Variants in CFAP251 observed in about 807,000 individuals in gnomAD.
CFAP251 encodes cilia and flagella associated protein 251.
Under a neutral mutation model 126.7 loss-of-function variants are expected in CFAP251, and 93 were observed. The ratio of observed to expected loss-of-function variants is 0.73; its 90% CI spans 0.62 to 0.87. CFAP251 has a LOEUF of 0.87. Among genes scored for constraint, CFAP251 ranks in the 40% least tolerant of loss-of-function variants. The pLI, the probability that CFAP251 is intolerant of heterozygous loss-of-function variation, is 0.00. For synonymous variants in CFAP251, 503 were observed against 506.9 expected (o/e 0.99, Z 0.10); for missense variants, 1,287 against 1,389.2 (o/e 0.93, Z 1.17).
chr12:122,000,164 G>T (rs1358125833), intron 20 of CFAP251, among the ~76,000 whole-genome samples: 1 of 152,190 alleles, frequency 6.6e-6, no homozygotes, highest in Admixed American at 6.5e-5. Flanking sequence ...TGTGATTCGT[G>T]TTGCAACTAC....
intron 10 of CFAP251, chr12:121,955,599 A>G (rs897223401): frequency 6.6e-6 from 1 of 152,136 alleles, no homozygotes; most frequent in African/African-American, 2.4e-5. Context: ...GTGTGGAGAA[A>G]ATTGCCTAGT....
intron 19 of CFAP251, among the ~76,000 whole-genome samples, chr12:121,982,168 A>G (rs1266441863): frequency 1.3e-5 from 2 of 151,692 alleles, no homozygotes; most frequent in South Asian, 2.1e-4. Flanking sequence ...ATAAATGTCC[A>G]AACGCCATCA....
At position 121,918,761 on chromosome 12, in the gene CFAP251, C is replaced by G. The variant is rs1321295625; in HGVS notation, c.-21+66C>G. 1 of 152,490 alleles carries G rather than the reference C, an allele frequency of 6.6e-6. No individual in the cohort carries two copies. Among genetic ancestry groups the G allele is most frequent in the Non-Finnish European group, 1.5e-5 (1 of 68,298 alleles). The allele number at this position is 152,490 out of a possible 1,614,324, so 9.4% of individuals were successfully genotyped here. Reference sequence around the variant, plus strand: ...CCTGGCGAGGGGGCCCCCGACCTGGCGGGGTCTGGTGCCCCTTGGGGGGCG... The same window carrying G: ...CCTGGCGAGGGGGCCCCCGACCTGGGGGGGTCTGGTGCCCCTTGGGGGGCG... On this transcript the variant is annotated intron_variant, in intron 1 of 21. Transcript: ENST00000288912. This position sits in a 1 kb window ranked among gnomAD's most constrained non-coding sequence, Gnocchi z 4.3.
At chr12:121,993,616 G>A (rs1256860915) in intron 19 of CFAP251, among the ~76,000 whole-genome samples, 1 of 137,220 alleles carries the variant, frequency 7.3e-6, no homozygotes, top group African/African-American at 2.8e-5. Context: ...CCTCTGCCCC[G>A]CCGCCCCATC....
At chr12:121,977,689 C>T (rs1412903393) in intron 19 of CFAP251, among the ~76,000 whole-genome samples, 1 of 149,398 alleles carries the variant, frequency 6.7e-6, no homozygotes, top group Non-Finnish European at 1.5e-5. Flanking sequence ...GGTGTGGTGG[C>T]TCAGACCTGT....
chr12:121,971,733 G>A (rs1882333217), intron 17 of CFAP251: 1 of 650,488 alleles, frequency 1.5e-6, no homozygotes, highest in Admixed American at 2.4e-5. Context: ...GGAAAATAAA[G>A]GACTTTTGTC....
intron 19 of CFAP251, among the ~76,000 whole-genome samples, chr12:121,988,316 A>G (rs1180339239): frequency 6.6e-6 from 1 of 152,136 alleles, no homozygotes; most frequent in East Asian, 1.9e-4. Flanking sequence ...CGAGTAGTGC[A>G]GACATCACCA....
intron 19 of CFAP251, among the ~76,000 whole-genome samples, chr12:121,983,812 G>A (rs1882684452): frequency 6.6e-6 from 1 of 152,120 alleles, no homozygotes; most frequent in South Asian, 2.1e-4. Flanking sequence ...TCAGTGAGCA[G>A]ACTTGATTAG....
chr12:121,919,527 T>A lies in CFAP251; in HGVS notation c.-21+832T>A, dbSNP rs145686519. 2.8e-3 allele frequency among the ~76,000 whole-genome samples: 430 copies of A among 152,330 alleles called. 2 individuals are homozygous for A. The highest frequency in any genetic ancestry group is 9.6e-3 in the African/African-American group (399 of 41,572). ...TGTGATGAGCATTTTATATATGTTA[T>A]CACTTCTCTACAACAACCCTAGAAT... is the stretch of plus-strand genomic sequence containing the variant. On this transcript the variant is annotated intron_variant, in intron 1 of 21. Coordinates refer to ENST00000288912, the MANE Select transcript of CFAP251 (RefSeq NM_144668.6).
chr12:121,927,177 GTGT>G (rs1387792060), intron 3 of CFAP251, among the ~76,000 whole-genome samples: 2 of 134,014 alleles, frequency 1.5e-5, no homozygotes, highest in East Asian at 4.1e-4. Context: ...TTTAGTTTTT[GTGT>G]TGTTTAGGTT....
In CFAP251 at chr12:121,985,086, C is replaced by G. The variant is rs148875824; in HGVS notation, c.3006+9401C>G. 4.3e-4 allele frequency among the ~76,000 whole-genome samples: 65 copies of G among 152,172 alleles called. 2 individuals carry two copies. The highest frequency in any genetic ancestry group is 3.5e-3 in the Admixed American group (53 of 15,282). On this transcript the variant is annotated intron_variant, in intron 19 of 21. Coordinates refer to ENST00000288912, the MANE Select transcript of CFAP251 (RefSeq NM_144668.6). The stretch of plus-strand genomic sequence containing the variant: ...TGATCTCAGTGTAATTCTTAGTAAC[C>G]CTAATGTGTTTGATATATTCAGGAG...
chr12:121,942,877 C>G lies in CFAP251; in HGVS notation c.1111-18C>G. ...TTCACAGACCTTCTCATGCCCCTCT[C>G]TCTACTGTCACCTACAGAAGGTATG... is the stretch of plus-strand genomic sequence containing the variant. On this transcript the variant is annotated intron_variant, in intron 6 of 21. Transcript: ENST00000288912. The G allele has an allele frequency of 1.2e-6, 2 of 1,613,948 alleles. No individual in the cohort carries two copies. Among genetic ancestry groups the G allele is most frequent in the Non-Finnish European group, 1.7e-6 (2 of 1,179,794 alleles).
At chr12:121,942,699 C>T (rs996128167) in intron 6 of CFAP251, 54 bp downstream of exon 6, 38 of 1,436,916 alleles carry the variant, frequency 2.6e-5, no homozygotes, top group Admixed American at 7.5e-5. Context: ...ACCTGTGCAG[C>T]GTGTCCCCAT....
At chr12:121,975,889 A>G (rs1270310763) in intron 19 of CFAP251, among the ~76,000 whole-genome samples, 1 of 152,164 alleles carries the variant, frequency 6.6e-6, no homozygotes, top group Non-Finnish European at 1.5e-5. Context: ...CGCACTCCTC[A>G]TGGAAGTTTG....
At position 121,967,078 on chromosome 12, in the gene CFAP251, G is replaced by A. The variant is rs369814781; in HGVS notation, c.2607+9G>A. On this transcript the variant is annotated intron_variant, in intron 16 of 21. Transcript: ENST00000288912. ...TTATTAACAGAGACAAGGTAACAGC[G>A]CTCTCTTCTCCAGTTCTGGGAGTTG... The A allele has an allele frequency of 1.1e-5, 18 of 1,609,712 alleles. No individual in the cohort carries two copies. The highest frequency in any genetic ancestry group is 6.6e-5 in the South Asian group (6 of 90,992).
chr12:121,979,882 G>A (rs1882576834), intron 19 of CFAP251, among the ~76,000 whole-genome samples: 1 of 152,070 alleles, frequency 6.6e-6, no homozygotes, highest in Non-Finnish European at 1.5e-5. Context: ...TTATTCTTTG[G>A]TTACAAGTTA....
At chr12:121,941,156 G>A (rs761721643) in intron 5 of CFAP251, among the ~76,000 whole-genome samples, 5 of 151,116 alleles carry the variant, frequency 3.3e-5, no homozygotes, top group Non-Finnish European at 4.4e-5. Flanking sequence ...TCAGCTTCCC[G>A]AGTAGCTGGG....
chr12:121,926,288 C>T (rs1206158807), intron 3 of CFAP251, among the ~76,000 whole-genome samples: 1 of 151,704 alleles, frequency 6.6e-6, no homozygotes, highest in Non-Finnish European at 1.5e-5. Context: ...CTTTTTCCTT[C>T]ACTTTCTTTT....
In CFAP251 at chr12:121,920,207, T is replaced by C. The variant is rs1880104304; in HGVS notation, c.-20-1079T>C. Reference sequence around the variant, plus strand: ...CTCAAGAGAAAAAAAAAAAAAAGGTTTCCCACAAATGTGACTTTTTTTTTT... The same window carrying C: ...CTCAAGAGAAAAAAAAAAAAAAGGTCTCCCACAAATGTGACTTTTTTTTTT... On this transcript the variant is annotated intron_variant, in intron 1 of 21. Transcript: ENST00000288912. 1.4e-5 allele frequency among the ~76,000 whole-genome samples: 2 copies of C among 146,664 alleles called. 1 individual carries two copies. The highest frequency in any genetic ancestry group is 5.0e-5 in the African/African-American group (2 of 40,184).
Sources: gnomAD v4.1 joint callset for allele counts (sites outside exome capture counted in the v4.1 genomes callset) on GRCh38, gnomAD v4.1.1 for gene constraint, Gnocchi (gnomAD v3.1) non-coding constraint, MANE v1.5 for transcripts, NCBI Gene and HGNC (gene_info 2026-07-23, HGNC 2026-07-21) for gene names.